The following NAPSA variants were observed in gnomAD, a reference collection of about 807,000 sequenced individuals.
NAPSA encodes the protein napsin-A.
Under a neutral mutation model 36.7 loss-of-function variants are expected in NAPSA, and 37 were observed. That is an observed-to-expected ratio of 1.01 (90% CI 0.78 to 1.33). The LOEUF (loss-of-function observed/expected upper bound fraction) is 1.33, where lower values mean the gene tolerates loss of function less well. Among genes scored for constraint, NAPSA ranks in the 40% most tolerant of loss-of-function variants. The probability of loss-of-function intolerance (pLI) is 0.00; values close to 1 mark genes in which losing one functional copy is unlikely to be tolerated. For synonymous variants in NAPSA, 222 were observed against 234.5 expected, an observed-to-expected ratio of 0.95 and a Z score of 0.49; for missense variants, 532 against 543.8, an observed-to-expected ratio of 0.98 and a Z score of 0.21.
Position 50,363,289 on chromosome 19 carries a change from A to G in NAPSA, c.84-976T>C, listed in dbSNP as rs77189747. On this transcript the variant is annotated intron_variant, in intron 1 of 8. Coordinates refer to ENST00000253719, the MANE Select transcript of NAPSA (RefSeq NM_004851.3). ...CAGGGAATGAAGACAAGAGAGGAGA[A>G]AAAGAGAGATGGGGGCGGGGAGGGG... Among the ~76,000 whole-genome samples, 26 of 152,302 alleles carry G rather than the reference A, an allele frequency of 1.7e-4. 1 individual carries two copies. In the East Asian group the frequency reaches 5.0e-3, roughly 29 times the overall value.
intron 5 of NAPSA, 66 bp from the exon 6 acceptor site, chr19:50,359,928 T>A: frequency 6.4e-7 from 1 of 1,556,802 alleles, no homozygotes; most frequent in Admixed American, 1.9e-5. Flanking sequence ...CCCTAGGTAT[T>A]GCCAGGAATG....
At chr19:50,368,157 CAA>C (rs56938224), upstream of NAPSA, among the ~76,000 whole-genome samples, 152 of 64,192 alleles carry the variant, frequency 2.4e-3, no homozygotes, top group Middle Eastern at 0.01. Context: ...GACTCCCTCT[CAA>C]AAAAAAAAAA....
chr19:50,362,691 C>T (rs994309319), intron 1 of NAPSA: 6 of 162,892 alleles, frequency 3.7e-5, no homozygotes, highest in African/African-American at 1.4e-4. Context: ...CTATTTTCCC[C>T]ACCCTTGAGG....
chr19:50,368,458 C>T (rs923716766), upstream of NAPSA, among the ~76,000 whole-genome samples: 2 of 152,176 alleles, frequency 1.3e-5, no homozygotes, highest in African/African-American at 4.8e-5. Flanking sequence ...CGCCACTGCA[C>T]TCCATCCCAG....
At chr19:50,359,966 G>A in intron 5 of NAPSA, 104 bp from the exon 6 acceptor site, 1 of 1,483,950 alleles carries the variant, frequency 6.7e-7, no homozygotes, top group Non-Finnish European at 9.1e-7. Context: ...GGTTGTTTCT[G>A]GAGTTCCTAC....
chr19:50,363,722 C>T (rs922607222), intron 1 of NAPSA, among the ~76,000 whole-genome samples: 2 of 152,068 alleles, frequency 1.3e-5, no homozygotes, highest in Non-Finnish European at 2.9e-5. Flanking sequence ...CACCACCACA[C>T]TGAGCTAATT....
At chr19:50,359,388 C>A (rs1204616672) in intron 7 of NAPSA, 115 bp downstream of exon 7, 1 of 1,389,366 alleles carries the variant, frequency 7.2e-7, no homozygotes, top group Non-Finnish European at 9.8e-7. Context: ...AAGTCCAGTG[C>A]CTGCTGCCCT....
At chr19:50,361,501 A>G in intron 4 of NAPSA, 162 bp downstream of exon 4, 1 of 666,948 alleles carries the variant, frequency 1.5e-6, no homozygotes, top group South Asian at 1.8e-5. Flanking sequence ...CCTCCTTGTG[A>G]CGCACCATCC....
chr19:50,358,898 A>G (rs1435493895), intron 8 of NAPSA, 113 bp downstream of exon 8: 18 of 1,337,742 alleles, frequency 1.3e-5, no homozygotes, highest in Non-Finnish European at 1.8e-5. Flanking sequence ...AACTGCCATC[A>G]CAGGGAAAAG....
chr19:50,363,247 C>T (rs2037500866), intron 1 of NAPSA, among the ~76,000 whole-genome samples: 1 of 152,080 alleles, frequency 6.6e-6, no homozygotes, highest in Non-Finnish European at 1.5e-5. Context: ...GTACACCCCT[C>T]CCCCTACCAA....
chr19:50,368,978 C>T (rs905740380), upstream of NAPSA, among the ~76,000 whole-genome samples: 2 of 152,218 alleles, frequency 1.3e-5, no homozygotes, highest in African/African-American at 4.8e-5. Flanking sequence ...TCCTGCCGAA[C>T]ACGGCCCGGC....
At chr19:50,360,012 G>T in intron 5 of NAPSA, 150 bp from the exon 6 acceptor site, 2 of 1,048,114 alleles carry the variant, frequency 1.9e-6, no homozygotes, top group Non-Finnish European at 2.7e-6. Flanking sequence ...TAGATGTTGG[G>T]ACTGGAAGCC....
chr19:50,361,828 G>A (rs1376474951), intron 3 of NAPSA, 47 bp from the exon 4 acceptor site: 2 of 1,590,846 alleles, frequency 1.3e-6, no homozygotes, highest in Admixed American at 3.3e-5. Flanking sequence ...AATCTCCCCA[G>A]TGCCTACTGC....
intron 7 of NAPSA, 92 bp downstream of exon 7, chr19:50,359,411 A>T: frequency 1.3e-6 from 2 of 1,541,876 alleles, no homozygotes; most frequent in East Asian, 2.3e-5. Context: ...AAAGCCCCTT[A>T]AATACTTGCC....
In NAPSA at chr19:50,359,667, T is replaced by A; in HGVS notation, c.792-20A>T. The A allele has an allele frequency of 6.2e-7, 1 of 1,614,136 alleles. No homozygotes were observed. The highest frequency in any genetic ancestry group is 8.5e-7 in the Non-Finnish European group (1 of 1,180,012). Reference sequence around the variant, plus strand: ...TTCACACTGAGGGGGAAGGAGGCAGTCATCAGAGGCAGGGTCCTAGGAGTC... The same window carrying A: ...TTCACACTGAGGGGGAAGGAGGCAGACATCAGAGGCAGGGTCCTAGGAGTC... On this transcript the variant is annotated intron_variant, in intron 6 of 8. Coordinates refer to ENST00000253719, the MANE Select transcript of NAPSA (RefSeq NM_004851.3).
At position 50,364,541 on chromosome 19, in the gene NAPSA, G is replaced by A. The variant is rs1483293970; in HGVS notation, c.83+998C>T. ...GAGGCAGGAGAATGATGTGAACCCGGGGGACAGAGCTTGCAGTGAGCCAAG... is the reference window on the plus strand; with the variant it reads ...GAGGCAGGAGAATGATGTGAACCCGAGGGACAGAGCTTGCAGTGAGCCAAG... On this transcript the variant is annotated intron_variant, in intron 1 of 8. Transcript: ENST00000253719. 2.7e-5 allele frequency among the ~76,000 whole-genome samples: 4 copies of A among 148,790 alleles called. 1 individual carries two copies. The highest frequency in any genetic ancestry group is 2.0e-4 in the Admixed American group (3 of 14,844).
rs764205028 is a variant in NAPSA, at chr19:50,365,533, C to T, written c.83+6G>A. Reference sequence around the variant, plus strand: ...AAGGTTGGGGTGGTAGATGGGGTCACCATACCGGATCAGTGTGGCCCCGGA... The same window carrying T: ...AAGGTTGGGGTGGTAGATGGGGTCATCATACCGGATCAGTGTGGCCCCGGA... On this transcript the variant is annotated splice_donor_region_variant and intron_variant, in intron 1 of 8. Coordinates refer to ENST00000253719, the MANE Select transcript of NAPSA (RefSeq NM_004851.3). 6.2e-7 allele frequency: 1 copy of T among 1,612,088 alleles called. No individual in the cohort carries two copies. Among genetic ancestry groups the T allele is most frequent in the Admixed American group, 1.7e-5 (1 of 59,854 alleles).
At chr19:50,360,010 G>A in intron 5 of NAPSA, 148 bp from the exon 6 acceptor site, 1 of 1,057,816 alleles carries the variant, frequency 9.5e-7, no homozygotes. Context: ...CCTAGATGTT[G>A]GGACTGGAAG....
chr19:50,361,748 C>T lies in NAPSA; in HGVS notation c.383G>A (p.Ser128Asn). 1 of 1,614,140 alleles carries T rather than the reference C, an allele frequency of 6.2e-7. No individual in the cohort carries two copies. Among genetic ancestry groups the T allele is most frequent in the Non-Finnish European group, 8.5e-7 (1 of 1,180,022 alleles). Reference sequence around the variant, plus strand: ...CTTGGTCCCATTGGCCTGGAAGGAGCTAGAGGCTTTGGGATCAAATCGGTG... The same window carrying T: ...CTTGGTCCCATTGGCCTGGAAGGAGTTAGAGGCTTTGGGATCAAATCGGTG... ...LHHRFDPKAS[S>N]SFQANGTKFA... Residue 128 changes from serine (S) to asparagine (N), a missense_variant, in exon 4 of 9, where the codon AGC (serine) becomes AAC (asparagine). This residue lies in a region of NAPSA where 45 missense variants were observed against 78.7 expected (regional missense o/e 0.57). Transcript: ENST00000253719.
Sources: allele counts gnomAD v4.1 joint callset (sites outside exome capture counted in the v4.1 genomes callset), GRCh38; gene constraint gnomAD v4.1.1; regional missense constraint gnomAD v4.1.1; transcripts MANE v1.5; gene names NCBI Gene and HGNC (gene_info 2026-07-23, HGNC 2026-07-21).